The following POLK variants were observed in gnomAD, a reference collection of about 807,000 sequenced individuals.
POLK encodes the protein DNA polymerase kappa.
POLK carries 76 observed loss-of-function variants against 94.0 expected under a neutral mutation model. The ratio of observed to expected loss-of-function variants is 0.81; its 90% CI spans 0.67 to 0.98. POLK has a LOEUF of 0.98. Ranked by LOEUF, POLK falls within the 50% of genes least tolerant of loss-of-function variation. The pLI, the probability that POLK is intolerant of heterozygous loss-of-function variation, is 0.00. For synonymous variants in POLK, 349 were observed against 325.4 expected, an observed-to-expected ratio of 1.07 and a Z score of -0.78; for missense variants, 954 against 1,010.1, an observed-to-expected ratio of 0.94 and a Z score of 0.75.
downstream of POLK, among the ~76,000 whole-genome samples, chr5:75,601,779 G>T (rs1282269160): frequency 6.6e-6 from 1 of 152,084 alleles, no homozygotes; most frequent in African/African-American, 2.4e-5. Context: ...GAGGTTTTGG[G>T]ACTCAGACTG....
At chr5:75,512,643 C>T (rs1272835675) in intron 1 of POLK, 1 of 152,234 alleles carries the variant, frequency 6.6e-6, no homozygotes, top group Non-Finnish European at 1.5e-5. Flanking sequence ...GATCTAACAA[C>T]TCTTGTCAGT....
intron 1 of POLK, among the ~76,000 whole-genome samples, chr5:75,534,369 C>CT (rs1257589608): frequency 6.6e-6 from 1 of 151,840 alleles, no homozygotes; most frequent in African/African-American, 2.4e-5. Context: ...TGGGTTTCGA[C>CT]TGTCTCCTGT....
Position 75,576,952 on chromosome 5 carries a change from C to G in POLK, c.694+19C>G. Reference sequence around the variant, plus strand: ...GAAAATGGTAAGCAACTTATTAAGACTATCAAACCAAGAAGCAGTGAAAAA... The same window carrying G: ...GAAAATGGTAAGCAACTTATTAAGAGTATCAAACCAAGAAGCAGTGAAAAA... On this transcript the variant is annotated intron_variant, in intron 6 of 14. Transcript: ENST00000241436. 6.8e-7 allele frequency: 1 copy of G among 1,465,776 alleles called. No individual in the cohort carries two copies. Among genetic ancestry groups the G allele is most frequent in the Non-Finnish European group, 9.1e-7 (1 of 1,095,888 alleles). The allele number at this position is 1,465,776 out of a possible 1,614,324, so 90.8% of individuals were successfully genotyped here.
chr5:75,513,260 AT>A (rs1320627076), intron 1 of POLK, among the ~76,000 whole-genome samples: 1 of 152,134 alleles, frequency 6.6e-6, no homozygotes, highest in Non-Finnish European at 1.5e-5. Context: ...TTTTACTAAT[AT>A]CAATTATTAT....
At chr5:75,518,523 C>A (rs764561218) in intron 1 of POLK, among the ~76,000 whole-genome samples, 4 of 151,644 alleles carry the variant, frequency 2.6e-5, no homozygotes, top group Non-Finnish European at 5.9e-5. Flanking sequence ...AATTTTCTTT[C>A]TTTTATTTGT....
At chr5:75,600,671 T>C (rs1773278117) in exon 15 of POLK, 1 of 152,198 alleles carries the variant, frequency 6.6e-6, no homozygotes, top group African/African-American at 2.4e-5. Flanking sequence ...GTAGAATGGT[T>C]AAATTGTACC....
chr5:75,568,248 T>G (rs891670783), intron 3 of POLK, among the ~76,000 whole-genome samples: 1 of 152,246 alleles, frequency 6.6e-6, no homozygotes, highest in Non-Finnish European at 1.5e-5. Context: ...ACTTGTGCCA[T>G]GTACCAGGTA....
intron 6 of POLK, among the ~76,000 whole-genome samples, chr5:75,579,205 T>G (rs1001048529): frequency 1.2e-4 from 18 of 152,094 alleles, no homozygotes; most frequent in Non-Finnish European, 2.4e-4. Flanking sequence ...GTACAAAACA[T>G]GGCATAAAAA....
At chr5:75,529,781 T>C (rs1769059591) in intron 1 of POLK, among the ~76,000 whole-genome samples, 1 of 152,300 alleles carries the variant, frequency 6.6e-6, no homozygotes, top group Non-Finnish European at 1.5e-5. Flanking sequence ...AGAGATCTTT[T>C]AGATTGAAAT....
intron 1 of POLK, among the ~76,000 whole-genome samples, chr5:75,517,220 A>G (rs191301444): frequency 3.6e-4 from 55 of 152,290 alleles, no homozygotes; most frequent in Admixed American, 2.1e-3. Flanking sequence ...ATTGAATCTG[A>G]AAATTGTTTT....
At chr5:75,519,153 C>T (rs1768455657) in intron 1 of POLK, among the ~76,000 whole-genome samples, 1 of 152,200 alleles carries the variant, frequency 6.6e-6, no homozygotes, top group South Asian at 2.1e-4. Flanking sequence ...TTTGAACTTA[C>T]TCCAAATTAA....
At chr5:75,583,340 A>G (rs1175808645) in exon 8 of POLK, 1 of 1,606,590 alleles carries the variant, frequency 6.2e-7, no homozygotes. Flanking sequence ...TGATAAGAAT[A>G]AACCAAATGG....
chr5:75,552,659 C>G (rs1223824976), intron 3 of POLK, 68 bp downstream of exon 3: 6 of 1,358,706 alleles, frequency 4.4e-6, no homozygotes, highest in Non-Finnish European at 6.1e-6. Context: ...AATGTATTGT[C>G]AAGTCATAAC....
intron 1 of POLK, among the ~76,000 whole-genome samples, chr5:75,518,632 A>G (rs1430627488): frequency 6.6e-6 from 1 of 151,596 alleles, no homozygotes; most frequent in Non-Finnish European, 1.5e-5. Flanking sequence ...TCTTATCTTC[A>G]TTATTTATTT....
In POLK at chr5:75,594,582, G is replaced by A. The variant is rs540481826; in HGVS notation, c.1528+533G>A. ...CAGTGCATGTAGAGTATATTACGTTGTAATACTTCTTTGTGGATCTGGGGC... is the reference window on the plus strand; with the variant it reads ...CAGTGCATGTAGAGTATATTACGTTATAATACTTCTTTGTGGATCTGGGGC... On this transcript the variant is annotated intron_variant, in intron 12 of 14. Transcript: ENST00000241436. 1.2e-3 allele frequency among the ~76,000 whole-genome samples: 176 copies of A among 152,330 alleles called. 3 individuals are homozygous for A. The highest frequency in any genetic ancestry group is 4.1e-3 in the African/African-American group (169 of 41,592).
At chr5:75,583,225 T>C in intron 7 of POLK, 68 bp from the exon 8 acceptor site, 1 of 1,197,852 alleles carries the variant, frequency 8.3e-7, no homozygotes, top group Non-Finnish European at 1.2e-6. Flanking sequence ...TTTTTCTGTT[T>C]TGTTATTGCA....
chr5:75,573,107 C>T (rs1317417640), intron 4 of POLK, among the ~76,000 whole-genome samples: 7 of 152,040 alleles, frequency 4.6e-5, no homozygotes, highest in Admixed American at 6.6e-5. Flanking sequence ...AGACTTGGAA[C>T]CAACCCAAAT....
At chr5:75,549,853 G>A (rs1307511836) in intron 2 of POLK, among the ~76,000 whole-genome samples, 2 of 151,994 alleles carry the variant, frequency 1.3e-5, no homozygotes, top group Non-Finnish European at 2.9e-5. Flanking sequence ...CTGATTTTTG[G>A]AGGGAGGAGT....
At chr5:75,535,265 A>T (rs1188371333) in intron 1 of POLK, among the ~76,000 whole-genome samples, 1 of 152,098 alleles carries the variant, frequency 6.6e-6, no homozygotes, top group Non-Finnish European at 1.5e-5. Context: ...TTTTTTAAAG[A>T]ATGCTGAATA....
Sources: allele counts gnomAD v4.1 joint callset (sites outside exome capture counted in the v4.1 genomes callset), GRCh38; gene constraint gnomAD v4.1.1; transcripts MANE v1.5; gene names NCBI Gene and HGNC (gene_info 2026-07-23, HGNC 2026-07-21).